SND1: variants seen among roughly 807,000 people sequenced by gnomAD.
The protein encoded by SND1 is staphylococcal nuclease domain-containing protein 1.
SND1 carries 38 observed loss-of-function variants against 121.7 expected under a neutral mutation model. That is an observed-to-expected ratio of 0.31 (90% CI 0.24 to 0.41). The LOEUF (loss-of-function observed/expected upper bound fraction) is 0.41, where lower values mean the gene tolerates loss of function less well. SND1 is among the 10% of genes least tolerant of loss of function. The probability of loss-of-function intolerance (pLI) is 1.00; values close to 1 mark genes in which losing one functional copy is unlikely to be tolerated. For synonymous variants in SND1, 401 were observed against 447.4 expected (o/e 0.90, Z 1.31); for missense variants, 868 against 1,184.6 (o/e 0.73, Z 3.92).
chr7:127,774,743 T>C (rs1797583637), intron 10 of SND1, among the ~76,000 whole-genome samples: 1 of 152,180 alleles, frequency 6.6e-6, no homozygotes, highest in African/African-American at 2.4e-5. Context: ...CATGCCCGGC[T>C]AATTTTTATA....
rs1309589454 is a variant in SND1 at position 128,052,371 on chromosome 7, T to G, written c.1780-22131T>G. On this transcript the variant is annotated intron_variant, in intron 16 of 23. Transcript: ENST00000354725. The surrounding 1 kb of genome is among the most constrained non-coding windows in gnomAD (Gnocchi z 4.6). The stretch of plus-strand genomic sequence containing the variant: ...TGGCAGCTTGTCCATCAAGGTTGGA[T>G]CTGTCTCTCCTCCCGTTTGTGACTC... Among the ~76,000 whole-genome samples, 1 of 152,168 alleles carries G rather than the reference T, an allele frequency of 6.6e-6. No homozygotes were observed. The highest frequency in any genetic ancestry group is 1.5e-5 in the Non-Finnish European group (1 of 68,020).
chr7:128,090,811 G>A (rs975293995), intron 22 of SND1, among the ~76,000 whole-genome samples: 9 of 152,060 alleles, frequency 5.9e-5, no homozygotes, highest in African/African-American at 1.9e-4. Context: ...AGAGAAGCCC[G>A]ACCCCTAAGC....
intron 16 of SND1, among the ~76,000 whole-genome samples, chr7:128,000,906 T>C (rs1054069974): frequency 6.6e-6 from 1 of 152,162 alleles, no homozygotes; most frequent in African/African-American, 2.4e-5. Context: ...ACTAACGTTG[T>C]GGTGTTTCAC....
intron 15 of SND1, among the ~76,000 whole-genome samples, chr7:127,952,228 A>G (rs890847131): frequency 1.3e-5 from 2 of 152,236 alleles, no homozygotes; most frequent in African/African-American, 2.4e-5. Flanking sequence ...ATTCTTATAT[A>G]TAAGTTTATT....
At chr7:127,708,869 C>T (rs952181117) in intron 9 of SND1, among the ~76,000 whole-genome samples, 2 of 152,188 alleles carry the variant, frequency 1.3e-5, no homozygotes, top group Admixed American at 6.5e-5. Context: ...CTGAGAGGTT[C>T]TGTCTCCCTG....
chr7:127,817,458 G>A (rs1039367262), intron 11 of SND1, among the ~76,000 whole-genome samples: 1 of 152,024 alleles, frequency 6.6e-6, no homozygotes, highest in Admixed American at 6.6e-5. Context: ...TATCACAATT[G>A]CTTTCAAAAT....
chr7:127,917,574 A>T (rs1182740273), intron 14 of SND1, among the ~76,000 whole-genome samples: 2 of 151,944 alleles, frequency 1.3e-5, no homozygotes, highest in Admixed American at 6.6e-5. Flanking sequence ...AATTTTTAAA[A>T]TTTTTTTTGT....
At chr7:128,009,494 T>C (rs1411963537) in intron 16 of SND1, among the ~76,000 whole-genome samples, 1 of 152,234 alleles carries the variant, frequency 6.6e-6, no homozygotes, top group African/African-American at 2.4e-5. Context: ...TCTATGTTGG[T>C]GGAAATGTCC....
At chr7:127,816,261 T>C (rs1036341367) in intron 11 of SND1, among the ~76,000 whole-genome samples, 3 of 152,232 alleles carry the variant, frequency 2.0e-5, no homozygotes, top group Admixed American at 6.5e-5. Flanking sequence ...CAGGAGCTCT[T>C]GGTGAGCCGT....
At chr7:128,081,288 G>C in intron 17 of SND1, 72 bp from the exon 18 acceptor site, 1 of 1,587,418 alleles carries the variant, frequency 6.3e-7, no homozygotes, top group Non-Finnish European at 8.6e-7. Flanking sequence ...GAGCCACCAC[G>C]CCTGGCCTCC....
rs200774390 is a variant in SND1 at position 127,863,293 on chromosome 7, A to G, written c.1343+18869A>G. Among the ~76,000 whole-genome samples the G allele has an allele frequency of 2.6e-5, 4 of 152,346 alleles. No homozygotes were observed. In the East Asian group the frequency reaches 7.7e-4, roughly 29 times the overall value. On this transcript the variant is annotated intron_variant, in intron 12 of 23. Transcript: ENST00000354725. The stretch of plus-strand genomic sequence containing the variant: ...TGTACCTCCTGCTGCTCTTAAAAGC[A>G]GAGAAGACAGTGTTGGTTGCATTCC...
At chr7:127,665,905 T>C (rs1412685025) in intron 1 of SND1, among the ~76,000 whole-genome samples, 17 of 152,174 alleles carry the variant, frequency 1.1e-4, no homozygotes, top group Non-Finnish European at 4.4e-5. Context: ...ATGAGAAAAG[T>C]GGTGCATTCT....
At chr7:128,018,141 T>C (rs1394377619) in intron 16 of SND1, among the ~76,000 whole-genome samples, 1 of 152,218 alleles carries the variant, frequency 6.6e-6, no homozygotes, top group Non-Finnish European at 1.5e-5. Context: ...GGCACCGCCT[T>C]ATGGGAAAGT....
chr7:128,022,344 A>T (rs1307446023), intron 16 of SND1, among the ~76,000 whole-genome samples: 1 of 152,212 alleles, frequency 6.6e-6, no homozygotes, highest in Non-Finnish European at 1.5e-5. Flanking sequence ...CAGAATGAAC[A>T]AACCTGAAAG....
chr7:127,687,728 G>T (rs1202772428), intron 2 of SND1, among the ~76,000 whole-genome samples: 5 of 152,042 alleles, frequency 3.3e-5, no homozygotes, highest in Non-Finnish European at 7.4e-5. Flanking sequence ...CTGTTGCCCG[G>T]GCTGGAGTGC....
At chr7:128,020,183 T>C (rs1803313414) in intron 16 of SND1, among the ~76,000 whole-genome samples, 1 of 152,236 alleles carries the variant, frequency 6.6e-6, no homozygotes, top group Non-Finnish European at 1.5e-5. Flanking sequence ...TTGCCTGATT[T>C]CTCAGCTCTT....
chr7:127,817,403 A>G (rs1404094715), intron 11 of SND1, among the ~76,000 whole-genome samples: 1 of 152,152 alleles, frequency 6.6e-6, no homozygotes, highest in African/African-American at 2.4e-5. Context: ...TTCTCTGCTT[A>G]TAGACTTGCC....
chr7:127,759,732 T>C (rs1316380074), intron 10 of SND1, among the ~76,000 whole-genome samples: 1 of 152,194 alleles, frequency 6.6e-6, no homozygotes, highest in African/African-American at 2.4e-5. Context: ...TCCATATTTA[T>C]GTTGCAAACC....
intron 10 of SND1, among the ~76,000 whole-genome samples, chr7:127,790,974 G>A (rs1797898403): frequency 6.6e-6 from 1 of 152,114 alleles, no homozygotes; most frequent in Non-Finnish European, 1.5e-5. Context: ...GGGCTAGCAT[G>A]CTTGATTGTT....
Sources: gnomAD v4.1 joint callset for allele counts (sites outside exome capture counted in the v4.1 genomes callset) on GRCh38, gnomAD v4.1.1 for gene constraint, Gnocchi (gnomAD v3.1) non-coding constraint, MANE v1.5 for transcripts, NCBI Gene and HGNC (gene_info 2026-07-23, HGNC 2026-07-21) for gene names.